The following SPAG16 variants were observed in gnomAD, a reference collection of about 807,000 sequenced individuals.
SPAG16 encodes sperm associated antigen 16.
In SPAG16, 86 loss-of-function variants were observed where a neutral mutation model predicts 80.4. The observed-to-expected ratio is 1.07, with a 90% CI of 0.90 to 1.28. The LOEUF is 1.28. SPAG16 is among the 50% of genes most tolerant of loss of function. SPAG16 has a pLI of 0.00. For missense variants in SPAG16, 870 were observed against 765.3 expected (o/e 1.14, Z -1.61); for synonymous variants, 294 against 265.9 (o/e 1.11, Z -1.03).
chr2:214,044,916 G>A (rs758205793), intron 13 of SPAG16, among the ~76,000 whole-genome samples: 1 of 152,156 alleles, frequency 6.6e-6, no homozygotes, highest in Non-Finnish European at 1.5e-5. Flanking sequence ...TAACACTGTG[G>A]GCGGAAGTGC....
intron 10 of SPAG16, among the ~76,000 whole-genome samples, chr2:213,609,477 A>G (rs773332603): frequency 2.0e-5 from 3 of 152,082 alleles, no homozygotes; most frequent in South Asian, 4.1e-4. Context: ...TTTGAATGCT[A>G]TATCTTCTGG....
chr2:213,677,280 A>G (rs2064133308), intron 10 of SPAG16, among the ~76,000 whole-genome samples: 1 of 152,132 alleles, frequency 6.6e-6, no homozygotes, highest in Admixed American at 6.5e-5. Flanking sequence ...TTAACTTTAA[A>G]TGTAAATGGA....
intron 15 of SPAG16, among the ~76,000 whole-genome samples, chr2:214,363,213 G>A (rs762374863): frequency 2.0e-5 from 3 of 151,614 alleles, no homozygotes; most frequent in Non-Finnish European, 2.9e-5. Flanking sequence ...TAGAAGTCTC[G>A]ATGTACTACC....
intron 4 of SPAG16, among the ~76,000 whole-genome samples, chr2:213,310,916 A>C (rs2063161782): frequency 6.6e-6 from 1 of 151,768 alleles, no homozygotes; most frequent in Non-Finnish European, 1.5e-5. Context: ...TTAATATGAT[A>C]CCTAAAGATG....
At chr2:214,128,819 T>C (rs2054615802) in intron 14 of SPAG16, among the ~76,000 whole-genome samples, 1 of 151,854 alleles carries the variant, frequency 6.6e-6, no homozygotes, top group African/African-American at 2.4e-5. Flanking sequence ...TGTTCTGGAA[T>C]GCTGTCAAGT....
intron 10 of SPAG16, among the ~76,000 whole-genome samples, chr2:213,498,147 C>A (rs1309682023): frequency 6.6e-6 from 1 of 152,070 alleles, no homozygotes; most frequent in Non-Finnish European, 1.5e-5. Flanking sequence ...TTAAAGGTGG[C>A]AAGACATGGT....
intron 15 of SPAG16, among the ~76,000 whole-genome samples, chr2:214,292,328 A>T (rs1693860445): frequency 6.6e-6 from 1 of 152,066 alleles, no homozygotes; most frequent in Non-Finnish European, 1.5e-5. Context: ...TGTTTTTTTA[A>T]ATAGGATCTT....
intron 7 of SPAG16, among the ~76,000 whole-genome samples, chr2:213,362,741 T>C (rs2066053574): frequency 6.6e-6 from 1 of 152,074 alleles, no homozygotes; most frequent in South Asian, 2.1e-4. Flanking sequence ...TCAGGGAAAA[T>C]CTGTGTATTA....
intron 15 of SPAG16, among the ~76,000 whole-genome samples, chr2:214,305,422 G>C (rs1033344730): frequency 6.6e-6 from 1 of 152,034 alleles, no homozygotes; most frequent in African/African-American, 2.4e-5. Flanking sequence ...ATTGCTTTTG[G>C]TGTCTTCATC....
chr2:213,364,441 ACTT>A lies in SPAG16; in HGVS notation c.832+297_832+299del, dbSNP rs2066166570. On this transcript the variant is annotated intron_variant, in intron 8 of 15. Transcript: ENST00000331683. ...AGCTAAGCTGTAAGATCAGACAACT[ACTT>A]TTAGGCAGTAGAAAACAGACAGCTC... 4 of 172,328 alleles carry A rather than the reference ACTT, an allele frequency of 2.3e-5. No homozygotes were observed. The Admixed American group carries it at 2.5e-4, about 11-fold the overall frequency. The allele number at this position is 172,328 out of a possible 1,614,324, so 10.7% of individuals were successfully genotyped here.
At chr2:214,326,944 CAAAAAA>C (rs5838428) in intron 15 of SPAG16, among the ~76,000 whole-genome samples, 5 of 64,464 alleles carry the variant, frequency 7.8e-5, no homozygotes, top group African/African-American at 3.4e-4. Context: ...GACTAAGTCT[CAAAAAA>C]AAAAAAAAAA....
intron 9 of SPAG16, among the ~76,000 whole-genome samples, chr2:213,416,725 G>A (rs540541540): frequency 2.2e-4 from 33 of 152,204 alleles, no homozygotes; most frequent in Non-Finnish European, 4.0e-4. Context: ...TATATGAGAT[G>A]GTCAGTTGGA....
At chr2:213,862,822 T>C (rs989844274) in intron 11 of SPAG16, among the ~76,000 whole-genome samples, 194 bp downstream of exon 11, 3 of 152,186 alleles carry the variant, frequency 2.0e-5, no homozygotes, top group African/African-American at 7.2e-5. Context: ...TGATATTTGG[T>C]ACATGTAAAA....
chr2:214,108,111 A>T, intron 13 of SPAG16, 85 bp from the exon 14 acceptor site: 2 of 1,046,684 alleles, frequency 1.9e-6, no homozygotes, highest in Non-Finnish European at 2.8e-6. Flanking sequence ...GCTAAAAATT[A>T]CTTTAAAACT....
intron 11 of SPAG16, among the ~76,000 whole-genome samples, chr2:213,927,273 G>A (rs1054704443): frequency 6.6e-6 from 1 of 152,200 alleles, no homozygotes. Context: ...TCTGGGAAAG[G>A]AGTGGCACAG....
Position 214,138,555 on chromosome 2 carries a change from A to G in SPAG16, c.1594-10585A>G, listed in dbSNP as rs530605071. On this transcript the variant is annotated intron_variant, in intron 14 of 15. Coordinates refer to ENST00000331683, the MANE Select transcript of SPAG16 (RefSeq NM_024532.5). Reference sequence around the variant, plus strand: ...CATATTTGAGGACCATACATCCTTTACTTCTTCAGCTCACAAACCTAGACT... The same window carrying G: ...CATATTTGAGGACCATACATCCTTTGCTTCTTCAGCTCACAAACCTAGACT... Among the ~76,000 whole-genome samples, 21 of 152,230 alleles carry G rather than the reference A, an allele frequency of 1.4e-4. No individual in the cohort carries two copies. In the South Asian group the frequency reaches 4.3e-3, roughly 32 times the overall value.
chr2:214,346,413 A>G (rs1191439506), intron 15 of SPAG16, among the ~76,000 whole-genome samples: 2 of 152,046 alleles, frequency 1.3e-5, no homozygotes, highest in East Asian at 3.9e-4. Context: ...TCTCTTGTTC[A>G]TATTTGTTTT....
chr2:214,381,851 T>C (rs1574462031), intron 15 of SPAG16, among the ~76,000 whole-genome samples: 1 of 152,248 alleles, frequency 6.6e-6, no homozygotes, highest in Admixed American at 6.5e-5. Flanking sequence ...CACCATTTAA[T>C]TCAGGTGAGG....
At chr2:213,349,069 G>A (rs1046704861) in intron 6 of SPAG16, among the ~76,000 whole-genome samples, 1 of 152,006 alleles carries the variant, frequency 6.6e-6, no homozygotes, top group Non-Finnish European at 1.5e-5. Flanking sequence ...AAATCTCAGG[G>A]GATTTCTCAA....
Sources: gnomAD v4.1 joint callset for allele counts (sites outside exome capture counted in the v4.1 genomes callset) on GRCh38, gnomAD v4.1.1 for gene constraint, MANE v1.5 for transcripts, NCBI Gene and HGNC (gene_info 2026-07-23, HGNC 2026-07-21) for gene names.